The following GPLD1 variants were observed in gnomAD, a reference collection of about 807,000 sequenced individuals.
The protein encoded by GPLD1 is phosphatidylinositol-glycan-specific phospholipase D.
A neutral mutation model predicts 112.6 loss-of-function variants in GPLD1; 84 were observed. That is an observed-to-expected ratio of 0.75 (90% CI 0.63 to 0.89). The LOEUF (loss-of-function observed/expected upper bound fraction) is 0.89. GPLD1 is among the 40% of genes least tolerant of loss of function. The pLI is 0.00. For synonymous variants in GPLD1, 386 were observed against 403.8 expected (o/e 0.96, Z 0.53); for missense variants, 1,044 against 1,051.5 (o/e 0.99, Z 0.10).
intron 22 of GPLD1, among the ~76,000 whole-genome samples, chr6:24,435,606 C>T (rs1256225683): frequency 6.6e-6 from 1 of 151,212 alleles, no homozygotes; most frequent in Non-Finnish European, 1.5e-5. Flanking sequence ...CCTGTTATCC[C>T]AGCACTTTGG....
In GPLD1 at chr6:24,449,827, C is replaced by G. The variant is rs1471978860; in HGVS notation, c.1408G>C (p.Gly470Arg). The change falls in exon 15 of 25, where the codon GGA (glycine) becomes CGA (arginine). Residue 470 changes from glycine to arginine, a missense_variant. Gly to Arg is a moderately radical substitution (Grantham distance 125). Transcript: ENST00000230036. Reference sequence around the variant, plus strand: ...TGCTCGGAGCCCACCGAGGGAGCTCCCACGGCCAGGTCAGGCACGCCGTCC... The same window carrying G: ...TGCTCGGAGCCCACCGAGGGAGCTCGCACGGCCAGGTCAGGCACGCCGTCC... ...NVDGVPDLAV[G>R]APSVGSEQLT... is the part of the protein sequence containing the mutation. 1.2e-6 allele frequency: 2 copies of G among 1,613,918 alleles called. No individual in the cohort carries two copies. The highest frequency in any genetic ancestry group is 3.3e-5 in the Admixed American group (2 of 60,000).
At chr6:24,436,988 G>A in intron 21 of GPLD1, 125 bp downstream of exon 21, 1 of 873,606 alleles carries the variant, frequency 1.1e-6, no homozygotes, top group Non-Finnish European at 1.8e-6. Flanking sequence ...TTCAAGATCT[G>A]TCTAAAGGTC....
In GPLD1 at chr6:24,436,651, A is replaced by G; in HGVS notation, c.2283T>C (p.Tyr761=). 4 of 1,613,948 alleles carry G rather than the reference A, an allele frequency of 2.5e-6. No individual in the cohort carries two copies. The highest frequency in any genetic ancestry group is 3.4e-6 in the Non-Finnish European group (4 of 1,179,872). Residue 761 remains tyrosine (Y), a synonymous_variant, in exon 22 of 25, where the codon TAT becomes TAC. Coordinates refer to ENST00000230036, the MANE Select transcript of GPLD1 (RefSeq NM_001503.4). Reference sequence around the variant, plus strand: ...CACCAAGGGTGGTCTCTTTGCCATTATATACATATACTCGGCCGTCTTCTC... The same window carrying G: ...CACCAAGGGTGGTCTCTTTGCCATTGTATACATATACTCGGCCGTCTTCTC... ...IGGEDGRVYV[Y]NGKETTLGDM...
intron 14 of GPLD1, among the ~76,000 whole-genome samples, chr6:24,451,300 A>C (rs1763074634): frequency 6.6e-6 from 1 of 152,022 alleles, no homozygotes; most frequent in Non-Finnish European, 1.5e-5. Flanking sequence ...CCTAAACCTG[A>C]AAGTAATTCA....
At chr6:24,447,716 T>C (rs979133651) in intron 17 of GPLD1, 161 bp downstream of exon 17, 1 of 701,056 alleles carries the variant, frequency 1.4e-6, no homozygotes. Flanking sequence ...AGTGAATCTA[T>C]GCACATCACT....
intron 24 of GPLD1, among the ~76,000 whole-genome samples, chr6:24,432,011 G>A (rs1333989309): frequency 6.6e-6 from 1 of 151,998 alleles, no homozygotes; most frequent in African/African-American, 2.4e-5. Flanking sequence ...AAAATGGGGG[G>A]CCAAGGTGGG....
At position 24,427,390 on chromosome 6, in the gene GPLD1, G is replaced by A. The variant is rs1230902958; in HGVS notation, c.*1642C>T. Among the ~76,000 whole-genome samples, 1 of 152,162 alleles carries A rather than the reference G, an allele frequency of 6.6e-6. No homozygotes were observed. Among genetic ancestry groups the A allele is most frequent in the Non-Finnish European group, 1.5e-5 (1 of 68,020 alleles). Reference sequence around the variant, plus strand: ...CAAGTTGTAACCTAATGCGACAAAGGTCCCTCATGAGATGGCTTAAAACTA... The same window carrying A: ...CAAGTTGTAACCTAATGCGACAAAGATCCCTCATGAGATGGCTTAAAACTA... On this transcript the variant is annotated 3_prime_UTR_variant, in exon 25 of 25. Coordinates refer to ENST00000230036, the MANE Select transcript of GPLD1 (RefSeq NM_001503.4).
chr6:24,468,940 A>C (rs1174553093), intron 7 of GPLD1, among the ~76,000 whole-genome samples: 2 of 152,348 alleles, frequency 1.3e-5, no homozygotes, highest in African/African-American at 4.8e-5. Context: ...TGGCAAAACA[A>C]ACTTCCTAAA....
intron 22 of GPLD1, among the ~76,000 whole-genome samples, chr6:24,434,066 T>C (rs1330937265): frequency 1.3e-5 from 2 of 152,184 alleles, no homozygotes; most frequent in Middle Eastern, 3.4e-3. Flanking sequence ...TCAGATAACA[T>C]AAGAAAATGT....
chr6:24,474,162 A>C (rs1253709002), intron 5 of GPLD1, among the ~76,000 whole-genome samples: 4 of 109,832 alleles, frequency 3.6e-5, no homozygotes, highest in African/African-American at 9.9e-5. Context: ...AACAAAAAAA[A>C]CCACACCCAC....
Position 24,494,747 on chromosome 6 carries a change from C to G in GPLD1, n.239+220G>C, listed in dbSNP as rs2744575. On this transcript the variant is annotated intron_variant and non_coding_transcript_variant, in intron 1 of 10. Transcript: ENST00000474784. ...CTCCATCCCCGAACCCAACCCTCCC[C>G]CGGGAGAAGGTCGCGCCAGGAGAGA... 0.33 allele frequency: 118,130 copies of G among 361,032 alleles called. 20,384 individuals carry two copies. Among genetic ancestry groups the G allele is most frequent in the African/African-American group, 0.38 (17,921 of 47,326 alleles). The allele number at this position is 361,032 out of a possible 1,614,324, so 22.4% of individuals were successfully genotyped here.
rs1762224024 is a variant in GPLD1 at position 24,425,985 on chromosome 6, G to A, written c.*3047C>T. 6.6e-6 allele frequency: 1 copy of A among 152,186 alleles called. No individual in the cohort carries two copies. 9.4% of individuals were successfully genotyped at this position (152,186 alleles called of 1,614,324 possible). On this transcript the variant is annotated 3_prime_UTR_variant, in exon 25 of 25. Transcript: ENST00000230036. ...GGTGAGCTAATGGATGGTACATGGA[G>A]TAGGGACTGCAGAGACCCTAGTTTT...
intron 2 of GPLD1, 85 bp downstream of exon 2, chr6:24,485,990 G>A (rs945870756): frequency 1.2e-6 from 1 of 840,472 alleles, no homozygotes; most frequent in Non-Finnish European, 2.0e-6. Context: ...TAAAATTACT[G>A]TTTAAATATC....
Position 24,437,243 on chromosome 6 carries a change from G to T in GPLD1, c.2067C>A (p.Gly689=). ...TGAGTGCGTACATGCGAGTGGCTCC[G>T]CCTTGGTGTAGGGTCACGGTCAGGA... ...VAFLTVTLHQ[G]GATRMYALTS... Residue 689 remains glycine (G), a synonymous_variant, in exon 21 of 25, where the codon GGC becomes GGA. Coordinates refer to ENST00000230036, the MANE Select transcript of GPLD1 (RefSeq NM_001503.4). 1.9e-6 allele frequency: 3 copies of T among 1,614,080 alleles called. No individual in the cohort carries two copies. The highest frequency in any genetic ancestry group is 2.5e-6 in the Non-Finnish European group (3 of 1,179,960).
chr6:24,462,909 C>T (rs929575785), intron 10 of GPLD1, 114 bp from the exon 11 acceptor site: 1 of 780,842 alleles, frequency 1.3e-6, no homozygotes, highest in Non-Finnish European at 2.2e-6. Flanking sequence ...GTGTTTATTA[C>T]CTAGCCATAC....
Position 24,454,027 on chromosome 6 carries a change from A to C in GPLD1, c.1323T>G (p.Leu441=). Residue 441 remains leucine (L), a synonymous_variant, in exon 14 of 25, where the codon CTT becomes CTG. Coordinates refer to ENST00000230036, the MANE Select transcript of GPLD1 (RefSeq NM_001503.4). ...GATGGTGTCTCACCTGGAAGCCTTC[A>C]AGGATCCTGTGGGCCTCCTTGTCCA... ...LDLDKEAHRI[L]EGFQPSGRFG... is the part of the protein sequence containing the mutation. 6.2e-7 allele frequency: 1 copy of C among 1,609,808 alleles called. No individual in the cohort carries two copies. The highest frequency in any genetic ancestry group is 1.1e-5 in the South Asian group (1 of 90,724).
rs71002496 is a variant in GPLD1, at chr6:24,442,422, A to ATTTTTTTTTT, written c.2020+3114_2020+3123dup. On this transcript the variant is annotated intron_variant, in intron 20 of 24. Transcript: ENST00000230036. ...AGGTGCATGCCACCACATCTGGCTAATTTTTTTTTTTTTTTTTTTTTTTTT... is the reference window on the plus strand; with the variant it reads ...AGGTGCATGCCACCACATCTGGCTAATTTTTTTTTTTTTTTTTTTTTTTTTTTTTTTTTTT... 2.1e-4 allele frequency among the ~76,000 whole-genome samples: 13 copies of ATTTTTTTTTT among 60,638 alleles called. 2 individuals are homozygous for ATTTTTTTTTT. The highest frequency in any genetic ancestry group is 5.7e-4 in the East Asian group (1 of 1,744). The allele number at this position is 60,638 out of a possible 152,430, so 39.8% of individuals were successfully genotyped here.
intron 20 of GPLD1, among the ~76,000 whole-genome samples, chr6:24,440,351 G>C (rs1284652780): frequency 6.6e-6 from 1 of 152,126 alleles, no homozygotes; most frequent in Admixed American, 6.6e-5. Flanking sequence ...GCTTGAGGCG[G>C]CAGGATCGCT....
intron 7 of GPLD1, among the ~76,000 whole-genome samples, chr6:24,468,803 C>T (rs532880859): frequency 7.9e-5 from 12 of 152,278 alleles, no homozygotes; most frequent in East Asian, 5.8e-4. Flanking sequence ...ACAGCCATTT[C>T]GCATTTATTG....
Sources: gnomAD v4.1 joint callset for allele counts (sites outside exome capture counted in the v4.1 genomes callset) on GRCh38, gnomAD v4.1.1 for gene constraint, MANE v1.5 for transcripts, NCBI Gene and HGNC (gene_info 2026-07-23, HGNC 2026-07-21) for gene names.